The following KDM4C variants were observed in gnomAD, a reference collection of about 807,000 sequenced individuals.
The protein encoded by KDM4C is lysine demethylase 4C.
Under a neutral mutation model 129.3 loss-of-function variants are expected in KDM4C, and 81 were observed. That is an observed-to-expected ratio of 0.63 (90% CI 0.52 to 0.75). The LOEUF (loss-of-function observed/expected upper bound fraction) is 0.75. Ranked by LOEUF, KDM4C falls within the 30% of genes least tolerant of loss-of-function variation. The probability of loss-of-function intolerance (pLI) is 0.00; values close to 1 mark genes in which losing one functional copy is unlikely to be tolerated. For missense variants in KDM4C, 1,457 were observed against 1,304.0 expected, an observed-to-expected ratio of 1.12 and a Z score of -1.81; for synonymous variants, 573 against 456.1, an observed-to-expected ratio of 1.26 and a Z score of -3.26.
chr9:6,847,428 T>A (rs1238919918), intron 4 of KDM4C, among the ~76,000 whole-genome samples: 1 of 152,122 alleles, frequency 6.6e-6, no homozygotes, highest in Non-Finnish European at 1.5e-5. Flanking sequence ...AGACGGAGTC[T>A]TGCTCTGTCG....
At chr9:6,841,464 A>G (rs1458422875) in intron 4 of KDM4C, among the ~76,000 whole-genome samples, 1 of 152,214 alleles carries the variant, frequency 6.6e-6, no homozygotes, top group Non-Finnish European at 1.5e-5. Context: ...AGGTTCATAT[A>G]GACTTTTCCT....
intron 1 of KDM4C, among the ~76,000 whole-genome samples, chr9:6,768,394 C>G (rs1821076329): frequency 6.7e-6 from 1 of 149,836 alleles, no homozygotes; most frequent in East Asian, 2.0e-4. Context: ...TAGAGATATT[C>G]TATATAAATT....
At chr9:6,833,910 T>C (rs1456009740) in intron 4 of KDM4C, among the ~76,000 whole-genome samples, 1 of 152,092 alleles carries the variant, frequency 6.6e-6, no homozygotes, top group Non-Finnish European at 1.5e-5. Context: ...AGAATGTTTG[T>C]TTAGGAGTCA....
At chr9:7,165,819 G>A (rs1046115019) in intron 20 of KDM4C, among the ~76,000 whole-genome samples, 5 of 152,160 alleles carry the variant, frequency 3.3e-5, no homozygotes, top group African/African-American at 9.7e-5. Flanking sequence ...CATAGATGTG[G>A]CCAGTTAATG....
intron 8 of KDM4C, among the ~76,000 whole-genome samples, chr9:6,948,619 G>C (rs1055214655): frequency 2.0e-5 from 3 of 151,096 alleles, no homozygotes; most frequent in Admixed American, 2.0e-4. Context: ...TTCCTATGCA[G>C]AGGACCCTGC....
chr9:6,962,292 C>G (rs1051768748), intron 8 of KDM4C, among the ~76,000 whole-genome samples: 3 of 152,072 alleles, frequency 2.0e-5, no homozygotes, highest in African/African-American at 4.8e-5. Context: ...AGCAGTAATT[C>G]AAGAAAAAAT....
At position 6,856,345 on chromosome 9, in the gene KDM4C, G is replaced by T. The variant is rs546483696; in HGVS notation, c.629+6645G>T. 1.5e-4 allele frequency among the ~76,000 whole-genome samples: 23 copies of T among 152,146 alleles called. 1 individual carries two copies. The South Asian group carries it at 4.8e-3, about 32-fold the overall frequency. On this transcript the variant is annotated intron_variant, in intron 5 of 21. Coordinates refer to ENST00000381309, the MANE Select transcript of KDM4C (RefSeq NM_015061.6). Reference sequence around the variant, plus strand: ...GTTAAGACTTACTGGATGGTGTAAAGCTGCATTATTTTGCTATTTTGTCTA... The same window carrying T: ...GTTAAGACTTACTGGATGGTGTAAATCTGCATTATTTTGCTATTTTGTCTA...
At chr9:6,832,902 A>T (rs1486912180) in intron 4 of KDM4C, among the ~76,000 whole-genome samples, 10 of 134,288 alleles carry the variant, frequency 7.4e-5, no homozygotes, top group East Asian at 4.4e-4. Context: ...TAATTTTTGT[A>T]TTTTTTTTTT....
intron 3 of KDM4C, among the ~76,000 whole-genome samples, chr9:6,806,702 C>A (rs919116495): frequency 4.6e-5 from 7 of 152,010 alleles, no homozygotes; most frequent in African/African-American, 1.7e-4. Flanking sequence ...AGAGTGCTCC[C>A]CTTTCATGGC....
chr9:6,895,176 A>G (rs1044608236), intron 8 of KDM4C, among the ~76,000 whole-genome samples: 2 of 152,120 alleles, frequency 1.3e-5, no homozygotes, highest in Non-Finnish European at 1.5e-5. Context: ...ATTACCACAA[A>G]CTTTGTGTTT....
At chr9:7,004,909 G>C (rs1053636755) in intron 12 of KDM4C, among the ~76,000 whole-genome samples, 2 of 152,188 alleles carry the variant, frequency 1.3e-5, no homozygotes, top group Non-Finnish European at 2.9e-5. Flanking sequence ...CTGACCCAAT[G>C]ACTGATGAAT....
intron 8 of KDM4C, among the ~76,000 whole-genome samples, chr9:6,967,856 T>A (rs1179096887): frequency 6.6e-6 from 1 of 152,222 alleles, no homozygotes; most frequent in African/African-American, 2.4e-5. Flanking sequence ...CAAAAAGATA[T>A]GAGGCTGTGT....
chr9:6,854,534 A>AC (rs1347738269), intron 5 of KDM4C, among the ~76,000 whole-genome samples: 79 of 145,970 alleles, frequency 5.4e-4, no homozygotes, highest in East Asian at 4.6e-3. Context: ...TCAAAAAAAA[A>AC]AAAAAAAAAA....
chr9:6,745,900 C>G (rs1426281620), intron 1 of KDM4C, among the ~76,000 whole-genome samples: 3 of 152,116 alleles, frequency 2.0e-5, no homozygotes, highest in Non-Finnish European at 4.4e-5. Context: ...ACCTCTGCCT[C>G]ACGGGTTCAA....
chr9:7,120,857 G>A (rs1447882815), intron 18 of KDM4C, among the ~76,000 whole-genome samples: 2 of 151,990 alleles, frequency 1.3e-5, no homozygotes, highest in East Asian at 3.9e-4. Flanking sequence ...TTTCATTTTT[G>A]TTTTCAGCAT....
chr9:6,932,196 T>C (rs1299478351), intron 8 of KDM4C, among the ~76,000 whole-genome samples: 1 of 152,194 alleles, frequency 6.6e-6, no homozygotes, highest in Admixed American at 6.5e-5. Context: ...CCAACAGGTG[T>C]GTAGCTCCAC....
At chr9:6,789,591 C>G (rs866662566) in intron 1 of KDM4C, among the ~76,000 whole-genome samples, 20 of 151,984 alleles carry the variant, frequency 1.3e-4, no homozygotes, top group Middle Eastern at 3.2e-3. Flanking sequence ...GTCTCCAACT[C>G]CTGGACTCGA....
chr9:6,987,424 G>C (rs1000077663), intron 11 of KDM4C, among the ~76,000 whole-genome samples: 1 of 152,208 alleles, frequency 6.6e-6, no homozygotes, highest in Non-Finnish European at 1.5e-5. Flanking sequence ...AGCCATAAGA[G>C]TGGATCAGGG....
At chr9:6,795,148 C>T (rs960824498) in intron 2 of KDM4C, among the ~76,000 whole-genome samples, 1 of 152,108 alleles carries the variant, frequency 6.6e-6, no homozygotes. Flanking sequence ...TTGAAATCCC[C>T]AGCTATGGAG....
Sources: gnomAD v4.1 joint callset for allele counts (sites outside exome capture counted in the v4.1 genomes callset) on GRCh38, gnomAD v4.1.1 for gene constraint, MANE v1.5 for transcripts, NCBI Gene and HGNC (gene_info 2026-07-23, HGNC 2026-07-21) for gene names.